SUSD5: variants seen among roughly 807,000 people sequenced by gnomAD.
SUSD5 encodes sushi domain containing 5.
A neutral mutation model predicts 29.5 loss-of-function variants in SUSD5; 33 were observed. The observed-to-expected ratio is 1.12, with a 90% CI of 0.85 to 1.49. SUSD5 has a LOEUF of 1.49. Ranked by LOEUF, SUSD5 falls within the 40% of genes most tolerant of loss-of-function variation. SUSD5 has a pLI of 0.00. For synonymous variants in SUSD5, 308 were observed against 325.3 expected, an observed-to-expected ratio of 0.95 and a Z score of 0.57; for missense variants, 776 against 800.6, an observed-to-expected ratio of 0.97 and a Z score of 0.37.
Position 33,150,475 on chromosome 3 carries a change from AT to A in SUSD5, c.*2266del, listed in dbSNP as rs1335793038. The stretch of plus-strand genomic sequence containing the variant: ...CAGTCCCAATGCTGAGACAGAGGTT[AT>A]TTTATATAGTTAAAAATAGAAAAGT... On this transcript the variant is annotated 3_prime_UTR_variant, in exon 5 of 5. Coordinates refer to ENST00000309558, the MANE Select transcript of SUSD5 (RefSeq NM_015551.2). 6 of 152,216 alleles carry A rather than the reference AT, an allele frequency of 3.9e-5. No homozygotes were observed. The highest frequency in any genetic ancestry group is 8.8e-5 in the Non-Finnish European group (6 of 68,032). 9.4% of individuals were successfully genotyped at this position (152,216 alleles called of 1,614,324 possible). A position where few individuals can be genotyped will look rare whatever the true frequency, so the allele number is the denominator to read the frequency against.
chr3:33,198,165 A>G (rs1445574577), intron 3 of SUSD5, among the ~76,000 whole-genome samples: 1 of 152,244 alleles, frequency 6.6e-6, no homozygotes, highest in African/African-American at 2.4e-5. Flanking sequence ...ATGTGGTGCT[A>G]GATACTAATC....
At position 33,152,936 on chromosome 3, in the gene SUSD5, C is replaced by T. The variant is rs774564062; in HGVS notation, c.1696G>A (p.Gly566Arg). Residue 566 changes from glycine to arginine, a missense_variant, in exon 5 of 5, where the codon GGA becomes AGA. Transcript: ENST00000309558. ...GGGCCTCTGCTGAGGCCAGGACATC[C>T]GTCCCCCACACACGACTCCAAGGTG... Reference protein sequence around the residue: ...HPTLESCVGDGCPGLSRGPVI... With the variant: ...HPTLESCVGDRCPGLSRGPVI... The T allele has an allele frequency of 1.2e-5, 19 of 1,613,856 alleles. No individual in the cohort carries two copies. In the Admixed American group the frequency reaches 2.5e-4, roughly 21 times the overall value.
intron 4 of SUSD5, among the ~76,000 whole-genome samples, chr3:33,163,971 G>C (rs2031249771): frequency 6.6e-6 from 1 of 152,190 alleles, no homozygotes; most frequent in Non-Finnish European, 1.5e-5. Context: ...CTGCACTCCA[G>C]CATGGGTGAC....
In SUSD5 at chr3:33,153,514, C is replaced by G; in HGVS notation, c.1118G>C (p.Gly373Ala). ...VSSSDESWLDGYPVTEGAWRK... is the reference protein window; with the variant it reads ...VSSSDESWLDAYPVTEGAWRK... ...CCAAGCCCCCTCTGTCACAGGGTAG[C>G]CATCTAACCAGGACTCATCACTGCT... The change falls in exon 5 of 5, where the codon GGC becomes GCC. Residue 373 changes from glycine to alanine, a missense_variant. By Grantham distance (60) the Gly-to-Ala change is moderately conservative (BLOSUM62 0). Coordinates refer to ENST00000309558, the MANE Select transcript of SUSD5 (RefSeq NM_015551.2). 2 of 1,614,068 alleles carry G rather than the reference C, an allele frequency of 1.2e-6. No individual in the cohort carries two copies. Among genetic ancestry groups the G allele is most frequent in the Non-Finnish European group, 1.7e-6 (2 of 1,179,988 alleles).
At chr3:33,205,196 A>G (rs1009284859) in intron 3 of SUSD5, among the ~76,000 whole-genome samples, 1 of 152,206 alleles carries the variant, frequency 6.6e-6, no homozygotes, top group African/African-American at 2.4e-5. Flanking sequence ...ACGTTGATAC[A>G]ATACTATTAT....
rs1553622590 is a variant in SUSD5, at chr3:33,202,058, ATCTG to A, written c.409+5746_409+5749del. Among the ~76,000 whole-genome samples, 610 of 109,570 alleles carry A rather than the reference ATCTG, an allele frequency of 5.6e-3. 4 individuals are homozygous for A. The highest frequency in any genetic ancestry group is 0.023 in the African/African-American group (524 of 22,386). 71.9% of individuals were successfully genotyped at this position (109,570 alleles called of 152,430 possible). A position where few individuals can be genotyped will look rare whatever the true frequency, so the allele number is the denominator to read the frequency against. ...TATCTATCTATCTATCTATCTATCT[ATCTG>A]TCTATCTATCTATCTATCATCTATC... On this transcript the variant is annotated intron_variant, in intron 3 of 4. Transcript: ENST00000309558.
Position 33,153,693 on chromosome 3 carries a change from G to A in SUSD5, c.939C>T (p.Asp313=), listed in dbSNP as rs1211371168. 1 of 1,614,044 alleles carries A rather than the reference G, an allele frequency of 6.2e-7. No homozygotes were observed. Among genetic ancestry groups the A allele is most frequent in the Non-Finnish European group, 8.5e-7 (1 of 1,179,892 alleles). ...KPGLEKEVDD[D]TKKQFSAGDN... ...CTCCAGCAGAAAACTGCTTTTTGGT[G>A]TCATCATCCACCTCCTTTTCCAACC... The change falls in exon 5 of 5, where the codon GAC becomes GAT. Residue 313 remains aspartate (D), a synonymous_variant. Coordinates refer to ENST00000309558, the MANE Select transcript of SUSD5 (RefSeq NM_015551.2).
intron 3 of SUSD5, among the ~76,000 whole-genome samples, chr3:33,199,005 G>A (rs906291701): frequency 2.0e-5 from 3 of 151,998 alleles, no homozygotes; most frequent in East Asian, 1.9e-4. Context: ...GAATACCCAC[G>A]TAAAAGATAA....
At position 33,152,864 on chromosome 3, in the gene SUSD5, C is replaced by T. The variant is rs1225835269; in HGVS notation, c.1768G>A (p.Ala590Thr). 1.2e-6 allele frequency: 2 copies of T among 1,613,856 alleles called. No homozygotes were observed. The highest frequency in any genetic ancestry group is 2.7e-5 in the African/African-American group (2 of 74,922). Residue 590 changes from alanine to threonine, a missense_variant, in exon 5 of 5, where the codon GCA becomes ACA. Ala to Thr is a moderately conservative substitution (Grantham distance 58). Transcript: ENST00000309558. ...TAGCCCCACACCATCCCCACACCTGCCAGGAGCAGCAGTAGGCACAGGACG... is the reference window on the plus strand; with the variant it reads ...TAGCCCCACACCATCCCCACACCTGTCAGGAGCAGCAGTAGGCACAGGACG... ...VTVLCLLLLLAGVGMVWGYRK... is the reference protein window; with the variant it reads ...VTVLCLLLLLTGVGMVWGYRK...
intron 4 of SUSD5, among the ~76,000 whole-genome samples, chr3:33,159,429 C>T (rs1036902488): frequency 4.6e-5 from 7 of 152,280 alleles, no homozygotes; most frequent in East Asian, 1.9e-4. Context: ...TATGCCCACA[C>T]CCCATATTTC....
chr3:33,174,528 T>G (rs1024775985), intron 4 of SUSD5, among the ~76,000 whole-genome samples: 1 of 152,218 alleles, frequency 6.6e-6, no homozygotes, highest in African/African-American at 2.4e-5. Context: ...GGGGGTCATT[T>G]TCACCAGAAG....
intron 3 of SUSD5, among the ~76,000 whole-genome samples, chr3:33,177,376 TTGATA>T (rs1419608124): frequency 6.6e-6 from 1 of 152,262 alleles, no homozygotes; most frequent in African/African-American, 2.4e-5. Flanking sequence ...TAGTTCTTCT[TTGATA>T]TATTTCATCA....
In SUSD5 at chr3:33,153,811, C is replaced by T. The variant is rs201254022; in HGVS notation, c.821G>A (p.Gly274Asp). The change falls in exon 5 of 5, where the codon GGT becomes GAT. Residue 274 changes from glycine to aspartate, a missense_variant. Coordinates refer to ENST00000309558, the MANE Select transcript of SUSD5 (RefSeq NM_015551.2). ...ATCTGCGGGGACACTGCTCCCAGCA[C>T]CAGGCAAGCCTGTGGTTGGCACAAA... is the stretch of plus-strand genomic sequence containing the variant. ...KVFVPTTGLP[G>D]AGSSVPADSP... 6.2e-7 allele frequency: 1 copy of T among 1,613,978 alleles called. No individual in the cohort carries two copies. The highest frequency in any genetic ancestry group is 1.1e-5 in the South Asian group (1 of 91,084).
chr3:33,165,791 A>G lies in SUSD5; in HGVS notation c.598+9095T>C, dbSNP rs555138710. ...TTGTACTTTGTTAAGATGTCATTCA[A>G]TTTTATATCAACAGTAGGCATTCAT... On this transcript the variant is annotated intron_variant, in intron 4 of 4. Transcript: ENST00000309558. Among the ~76,000 whole-genome samples, 45 of 152,336 alleles carry G rather than the reference A, an allele frequency of 3.0e-4. 1 individual carries two copies. In the Middle Eastern group the frequency reaches 0.014, roughly 46 times the overall value.
chr3:33,179,285 A>T (rs2031621398), intron 3 of SUSD5, among the ~76,000 whole-genome samples: 1 of 152,032 alleles, frequency 6.6e-6, no homozygotes, highest in African/African-American at 2.4e-5. Flanking sequence ...AGCATAACCA[A>T]TTGTTTAATC....
chr3:33,192,074 C>T (rs2031903852), intron 3 of SUSD5, among the ~76,000 whole-genome samples: 3 of 142,762 alleles, frequency 2.1e-5, no homozygotes, highest in South Asian at 2.3e-4. Context: ...TATATTAATG[C>T]GCATATTTTT....
intron 2 of SUSD5, 51 bp from the exon 3 acceptor site, chr3:33,207,977 A>G (rs1196182688): frequency 1.0e-5 from 14 of 1,357,456 alleles, no homozygotes; most frequent in Non-Finnish European, 1.4e-5. Flanking sequence ...GGTTGAAAAT[A>G]ATAAGGAATA....
chr3:33,186,644 C>T (rs1023110515), intron 3 of SUSD5, among the ~76,000 whole-genome samples: 4 of 152,038 alleles, frequency 2.6e-5, no homozygotes, highest in Non-Finnish European at 5.9e-5. Context: ...CCAGGATGGT[C>T]TTGATCTCTT....
At chr3:33,170,853 C>T (rs2031411180) in intron 4 of SUSD5, among the ~76,000 whole-genome samples, 1 of 152,220 alleles carries the variant, frequency 6.6e-6, no homozygotes, top group Non-Finnish European at 1.5e-5. Flanking sequence ...AAGTGAGCAG[C>T]CAGTGTCATG....
Sources: allele counts gnomAD v4.1 joint callset (sites outside exome capture counted in the v4.1 genomes callset), GRCh38; gene constraint gnomAD v4.1.1; transcripts MANE v1.5; gene names NCBI Gene and HGNC (gene_info 2026-07-23, HGNC 2026-07-21).